Variants in FAM184A observed in about 807,000 individuals in gnomAD.
FAM184A encodes the protein protein FAM184A.
Under a neutral mutation model 143.8 loss-of-function variants are expected in FAM184A, and 99 were observed. That is an observed-to-expected ratio of 0.69 (90% CI 0.58 to 0.81). The LOEUF is 0.81. FAM184A is among the 40% of genes least tolerant of loss of function. The pLI, the probability that FAM184A is intolerant of heterozygous loss-of-function variation, is 0.00. For synonymous variants in FAM184A, 427 were observed against 446.4 expected (o/e 0.96, Z 0.55); for missense variants, 1,217 against 1,310.5 (o/e 0.93, Z 1.10).
At chr6:118,998,612 G>C (rs1273601123) in intron 9 of FAM184A, among the ~76,000 whole-genome samples, 1 of 152,200 alleles carries the variant, frequency 6.6e-6, no homozygotes. Context: ...GTTAAGATTT[G>C]AGTAGATAAC....
At chr6:119,136,727 T>G (rs576095614) in intron 1 of FAM184A, among the ~76,000 whole-genome samples, 1 of 152,242 alleles carries the variant, frequency 6.6e-6, no homozygotes, top group Non-Finnish European at 1.5e-5. Context: ...CAGTATTTTT[T>G]CAATTCTTGT....
At chr6:119,132,806 G>A (rs74624747) in intron 1 of FAM184A, among the ~76,000 whole-genome samples, 5,864 of 152,312 alleles carry the variant, frequency 0.038, 379 homozygotes, top group African/African-American at 0.13. Context: ...GCCTGGCTTT[G>A]AGCTGCAGCT....
chr6:119,078,037 G>T lies in FAM184A; in HGVS notation c.159+104C>A. The T allele has an allele frequency of 7.5e-7, 1 of 1,337,556 alleles. No homozygotes were observed. The highest frequency in any genetic ancestry group is 1.0e-6 in the Non-Finnish European group (1 of 995,094). 82.9% of individuals were successfully genotyped at this position (1,337,556 alleles called of 1,614,324 possible). A position where few individuals can be genotyped will look rare whatever the true frequency, so the allele number is the denominator to read the frequency against. Reference sequence around the variant, plus strand: ...GCTGTTGCTTCGGCGGAGGAGTAGAGTTCCCCTCGCTGCGGGCGCAGGGCG... The same window carrying T: ...GCTGTTGCTTCGGCGGAGGAGTAGATTTCCCCTCGCTGCGGGCGCAGGGCG... On this transcript the variant is annotated intron_variant, in intron 1 of 17. Transcript: ENST00000338891. The surrounding 1 kb of genome is among the most constrained non-coding windows in gnomAD (Gnocchi z 5.5).
chr6:119,012,693 T>G (rs556900907), intron 5 of FAM184A, among the ~76,000 whole-genome samples: 2 of 152,290 alleles, frequency 1.3e-5, no homozygotes, highest in Admixed American at 1.3e-4. Flanking sequence ...AAAGCAGGTG[T>G]TCAGCATAAA....
At position 119,078,049 on chromosome 6, in the gene FAM184A, G is replaced by A; in HGVS notation, c.159+92C>T. The A allele has an allele frequency of 7.0e-7, 1 of 1,420,662 alleles. No individual in the cohort carries two copies. Among genetic ancestry groups the A allele is most frequent in the Admixed American group, 2.2e-5 (1 of 45,024 alleles). The allele number at this position is 1,420,662 out of a possible 1,614,324, so 88.0% of individuals were successfully genotyped here. A position where few individuals can be genotyped will look rare whatever the true frequency, so the allele number is the denominator to read the frequency against. On this transcript the variant is annotated intron_variant, in intron 1 of 17. Transcript: ENST00000338891. The surrounding 1 kb of genome is among the most constrained non-coding windows in gnomAD (Gnocchi z 5.5). The stretch of plus-strand genomic sequence containing the variant: ...GCGGAGGAGTAGAGTTCCCCTCGCT[G>A]CGGGCGCAGGGCGCACTGCCTCCCG...
chr6:118,977,398 A>G (rs1055790574), intron 11 of FAM184A, among the ~76,000 whole-genome samples: 2 of 152,142 alleles, frequency 1.3e-5, no homozygotes, highest in African/African-American at 4.8e-5. Context: ...CTTGGGCAAC[A>G]TGGTGAAACC....
intron 9 of FAM184A, among the ~76,000 whole-genome samples, chr6:118,988,954 A>ATTTTTTTTT (rs71556820): frequency 1.8e-5 from 2 of 112,062 alleles, no homozygotes; most frequent in Admixed American, 1.0e-4. Flanking sequence ...TCTGGACATG[A>ATTTTTTTTT]TTTTTTTTTT....
intron 1 of FAM184A, among the ~76,000 whole-genome samples, chr6:119,137,669 AG>A (rs1027240380): frequency 3.9e-5 from 6 of 152,118 alleles, no homozygotes; most frequent in African/African-American, 1.4e-4. Context: ...AAATCCAGTG[AG>A]TGAGCACCAG....
At chr6:119,065,880 C>G (rs1338999488) in intron 1 of FAM184A, among the ~76,000 whole-genome samples, 1 of 152,118 alleles carries the variant, frequency 6.6e-6, no homozygotes, top group Non-Finnish European at 1.5e-5. Context: ...CTGTCTCTGC[C>G]AAGGGTGATC....
chr6:118,989,273 TTAAGTGA>T (rs1239869959), intron 9 of FAM184A, among the ~76,000 whole-genome samples: 1 of 151,868 alleles, frequency 6.6e-6, no homozygotes, highest in Non-Finnish European at 1.5e-5. Flanking sequence ...GGACATGATT[TTAAGTGA>T]TAAACCATTG....
chr6:119,016,915 T>C lies in FAM184A; in HGVS notation c.1362A>G (p.Gln454=). The change falls in exon 5 of 18, where the codon CAA becomes CAG. Residue 454 remains glutamine (Q), a synonymous_variant. Coordinates refer to ENST00000338891, the MANE Select transcript of FAM184A (RefSeq NM_024581.6). ...KKVNEAKRTQ[Q]EYYERELKNL... ...TTTTAAGTTCCCTTTCATAATATTCTTGCTGAGTTCTCTTTGCTTCATTTA... is the reference window on the plus strand; with the variant it reads ...TTTTAAGTTCCCTTTCATAATATTCCTGCTGAGTTCTCTTTGCTTCATTTA... The C allele has an allele frequency of 3.1e-6, 5 of 1,612,590 alleles. No individual in the cohort carries two copies. Among genetic ancestry groups the C allele is most frequent in the Non-Finnish European group, 4.2e-6 (5 of 1,179,464 alleles).
At chr6:119,120,337 T>C (rs1039326423) in intron 1 of FAM184A, among the ~76,000 whole-genome samples, 3 of 152,392 alleles carry the variant, frequency 2.0e-5, no homozygotes, top group Admixed American at 1.3e-4. Flanking sequence ...TACGTATCTA[T>C]ATTCATTCCT....
Position 118,980,250 on chromosome 6 carries a change from G to A in FAM184A, c.2189C>T (p.Thr730Met), listed in dbSNP as rs773464428. The A allele has an allele frequency of 1.7e-5, 27 of 1,613,866 alleles. No homozygotes were observed. The highest frequency in any genetic ancestry group is 3.3e-5 in the Admixed American group (2 of 59,984). ...AQFTQERQRL[T>M]QELEELEEQH... is the part of the protein sequence containing the mutation. ...CTCCTCTAATTCTTCAAGCTCTTGCGTAAGCCGCTGTCGTTCTTGCGTAAA... is the reference window on the plus strand; with the variant it reads ...CTCCTCTAATTCTTCAAGCTCTTGCATAAGCCGCTGTCGTTCTTGCGTAAA... The change falls in exon 10 of 18, where the codon ACG (threonine) becomes ATG (methionine). Residue 730 changes from threonine (T) to methionine (M), a missense_variant. Physicochemically the swap from Thr to Met is moderately conservative, Grantham distance 81. Transcript: ENST00000338891.
intron 8 of FAM184A, 79 bp from the exon 9 acceptor site, chr6:119,003,128 A>T (rs756009890): frequency 1.3e-4 from 161 of 1,287,132 alleles, no homozygotes; most frequent in Non-Finnish European, 1.5e-4. Flanking sequence ...CAGGTTTTTT[A>T]AGCGCTTAAT....
chr6:118,972,602 TAAAAATGATCATAAAATCA>T (rs1334199271), intron 14 of FAM184A, among the ~76,000 whole-genome samples: 2 of 152,158 alleles, frequency 1.3e-5, no homozygotes, highest in Non-Finnish European at 2.9e-5. Flanking sequence ...CTTTGATTAT[TAAAAATGATCATAAAATCA>T]AAAACTAAGT....
intron 1 of FAM184A, among the ~76,000 whole-genome samples, chr6:119,055,388 T>C (rs1786928821): frequency 6.6e-6 from 1 of 152,216 alleles, no homozygotes; most frequent in Admixed American, 6.5e-5. Context: ...TGGATGTATG[T>C]TTTTAATTTC....
Position 119,068,956 on chromosome 6 carries a change from GAATT to G in FAM184A, c.159+9181_159+9184del, listed in dbSNP as rs759647405. On this transcript the variant is annotated intron_variant, in intron 1 of 17. Transcript: ENST00000338891. ...ATGATTACACATCTAAAATTTGTCAGAATTAATGTACTGATAAATATGTTGTAAT... is the reference window on the plus strand; with the variant it reads ...ATGATTACACATCTAAAATTTGTCAGAATGTACTGATAAATATGTTGTAAT... The G allele has an allele frequency of 1.5e-4, 37 of 253,304 alleles. 1 individual carries two copies. The highest frequency in any genetic ancestry group is 2.8e-4 in the Non-Finnish European group (32 of 112,290). The allele number at this position is 253,304 out of a possible 1,614,324, so 15.7% of individuals were successfully genotyped here.
intron 9 of FAM184A, among the ~76,000 whole-genome samples, chr6:118,986,753 A>G (rs910109512): frequency 2.0e-5 from 3 of 152,224 alleles, no homozygotes; most frequent in African/African-American, 7.2e-5. Context: ...AGTATAATTC[A>G]ATTAATTTTA....
Position 118,998,841 on chromosome 6 carries a change from G to C in FAM184A, c.2088+4058C>G, listed in dbSNP as rs114119556. Reference sequence around the variant, plus strand: ...GATCATGAGCGTACTAGAGGCTATGGCATGAGTGTGGACTGTATTCTAATT... The same window carrying C: ...GATCATGAGCGTACTAGAGGCTATGCCATGAGTGTGGACTGTATTCTAATT... On this transcript the variant is annotated intron_variant, in intron 9 of 17. Coordinates refer to ENST00000338891, the MANE Select transcript of FAM184A (RefSeq NM_024581.6). 6.2e-3 allele frequency among the ~76,000 whole-genome samples: 947 copies of C among 152,312 alleles called. 7 individuals are homozygous for C. Among genetic ancestry groups the C allele is most frequent in the African/African-American group, 0.021 (879 of 41,562 alleles).
Sources: gnomAD v4.1 joint callset for allele counts (sites outside exome capture counted in the v4.1 genomes callset) on GRCh38, gnomAD v4.1.1 for gene constraint, Gnocchi (gnomAD v3.1) non-coding constraint, MANE v1.5 for transcripts, NCBI Gene and HGNC (gene_info 2026-07-23, HGNC 2026-07-21) for gene names.